Variants in USH2A observed in about 807,000 individuals in gnomAD.
The protein encoded by USH2A is Usher syndrome 2A (autosomal recessive, mild).
In USH2A, 443 loss-of-function variants were observed where a neutral mutation model predicts 538.9. That is an observed-to-expected ratio of 0.82 (90% CI 0.76 to 0.89). USH2A has a LOEUF of 0.89. USH2A is among the 40% of genes least tolerant of loss of function. The pLI, the probability that USH2A is intolerant of heterozygous loss-of-function variation, is 0.00. For synonymous variants in USH2A, 2,413 were observed against 2,273.5 expected, an observed-to-expected ratio of 1.06 and a Z score of -1.75; for missense variants, 6,633 against 6,324.8, an observed-to-expected ratio of 1.05 and a Z score of -1.65.
intron 61 of USH2A, among the ~76,000 whole-genome samples, chr1:215,724,074 ATCTAT>A (rs1659739836): frequency 1.5e-4 from 1 of 6,640 alleles, no homozygotes; most frequent in Non-Finnish European, 5.8e-3. Flanking sequence ...AGAATGTGAT[ATCTAT>A]ATCTATATCT....
chr1:216,216,929 C>A (rs1452709020), intron 15 of USH2A, among the ~76,000 whole-genome samples: 1 of 151,868 alleles, frequency 6.6e-6, no homozygotes, highest in Non-Finnish European at 1.5e-5. Context: ...ATACTGCCCA[C>A]AAAATTTGGG....
At chr1:216,285,670 A>T (rs934005018) in intron 11 of USH2A, among the ~76,000 whole-genome samples, 3 of 152,198 alleles carry the variant, frequency 2.0e-5, no homozygotes, top group Non-Finnish European at 4.4e-5. Flanking sequence ...TGGAAAAGCC[A>T]CAGACACTCA....
chr1:216,023,387 T>G (rs1236189270), intron 32 of USH2A, among the ~76,000 whole-genome samples: 1 of 147,824 alleles, frequency 6.8e-6, no homozygotes, highest in African/African-American at 2.5e-5. Context: ...GATTTGGGTC[T>G]CTTTCTCCCT....
intron 21 of USH2A, among the ~76,000 whole-genome samples, chr1:216,120,477 T>A (rs1370096719): frequency 6.6e-6 from 1 of 151,412 alleles, no homozygotes; most frequent in East Asian, 2.0e-4. Flanking sequence ...CCTCCCGGGT[T>A]CACGCCATTC....
chr1:215,635,122 G>C (rs75505467), intron 69 of USH2A, among the ~76,000 whole-genome samples: 1 of 152,300 alleles, frequency 6.6e-6, no homozygotes, highest in East Asian at 1.9e-4. Context: ...TTGCTGCAGA[G>C]TCACAAACAA....
In USH2A at chr1:215,996,381, A is replaced by G. The variant is rs1305084919; in HGVS notation, c.6657+2506T>C. ...CTTTCAGGAATATATAATACTTAGA[A>G]TTCATCAAGTTACAAATGGCTAGCA... On this transcript the variant is annotated intron_variant, in intron 34 of 71. Coordinates refer to ENST00000307340, the MANE Select transcript of USH2A (RefSeq NM_206933.4). 2.0e-5 allele frequency among the ~76,000 whole-genome samples: 3 copies of G among 152,164 alleles called. No individual in the cohort carries two copies. In the East Asian group the frequency reaches 5.8e-4, roughly 29 times the overall value.
At chr1:215,631,249 G>GTGT (rs1558030008) in intron 70 of USH2A, among the ~76,000 whole-genome samples, 25 of 144,686 alleles carry the variant, frequency 1.7e-4, no homozygotes, top group African/African-American at 6.2e-4. Context: ...TGTGTGTGTG[G>GTGT]GTGGGTGTTG....
chr1:216,058,441 G>C (rs1433904223), intron 30 of USH2A, among the ~76,000 whole-genome samples: 1 of 148,738 alleles, frequency 6.7e-6, no homozygotes, highest in Non-Finnish European at 1.5e-5. Flanking sequence ...CATGGAACGT[G>C]GTAGATCACT....
At chr1:215,861,270 T>C (rs1188793695) in intron 44 of USH2A, among the ~76,000 whole-genome samples, 1 of 152,230 alleles carries the variant, frequency 6.6e-6, no homozygotes, top group Non-Finnish European at 1.5e-5. Flanking sequence ...GGAGATAGTA[T>C]AATAGATATA....
In USH2A at chr1:216,072,909, C is replaced by T. The variant is rs193921072; in HGVS notation, c.5837G>A (p.Arg1946Gln). 2.4e-5 allele frequency: 38 copies of T among 1,613,700 alleles called. No individual in the cohort carries two copies. Among genetic ancestry groups the T allele is most frequent in the East Asian group, 6.7e-5 (3 of 44,888 alleles). Reference sequence around the variant, plus strand: ...TTTACCTGCTCCTGTTGTACGTCCTCGACTCCAATCACTATATACTGAACC... The same window carrying T: ...TTTACCTGCTCCTGTTGTACGTCCTTGACTCCAATCACTATATACTGAACC... ...EGGSVYSDWS[R>Q]GRTTGAAPQS... Residue 1946 changes from arginine to glutamine, a missense_variant, in exon 29 of 72, where the codon CGA (arginine) becomes CAA (glutamine). Coordinates refer to ENST00000307340, the MANE Select transcript of USH2A (RefSeq NM_206933.4).
chr1:216,375,738 G>T (rs1326629557), intron 3 of USH2A, among the ~76,000 whole-genome samples: 3 of 152,086 alleles, frequency 2.0e-5, no homozygotes, highest in Non-Finnish European at 4.4e-5. Context: ...CTTTCAACCT[G>T]TCAACTTTCT....
chr1:216,015,421 A>G (rs1668684523), intron 32 of USH2A, among the ~76,000 whole-genome samples: 1 of 152,212 alleles, frequency 6.6e-6, no homozygotes, highest in Non-Finnish European at 1.5e-5. Context: ...TATAATTAAT[A>G]AAAACAGGGG....
chr1:216,296,719 C>T (rs11120754), intron 9 of USH2A, among the ~76,000 whole-genome samples: 87,668 of 151,802 alleles, frequency 0.58, 27,355 homozygotes, highest in East Asian at 0.75. Flanking sequence ...ATGAAACTCA[C>T]TTCATAAAAG....
rs1214462057 is a variant in USH2A, at chr1:215,888,447, C to T, written c.8202G>A (p.Val2734=). The change falls in exon 41 of 72, where the codon GTG becomes GTA. Residue 2734 remains valine (V), a synonymous_variant. Coordinates refer to ENST00000307340, the MANE Select transcript of USH2A (RefSeq NM_206933.4). ...PAGVQPPVVT[V]LEPDAVQVTW... Reference sequence around the variant, plus strand: ...TTACCTGGACTGCATCGGGTTCCAGCACTGTCACCACAGGTGGCTGCACCC... The same window carrying T: ...TTACCTGGACTGCATCGGGTTCCAGTACTGTCACCACAGGTGGCTGCACCC... 2 of 1,613,448 alleles carry T rather than the reference C, an allele frequency of 1.2e-6. No homozygotes were observed. The highest frequency in any genetic ancestry group is 1.7e-6 in the Non-Finnish European group (2 of 1,180,016).
chr1:216,250,100 A>G (rs1241128356), intron 12 of USH2A, among the ~76,000 whole-genome samples: 1 of 152,182 alleles, frequency 6.6e-6, no homozygotes, highest in Middle Eastern at 3.2e-3. Context: ...ATTCTCATAT[A>G]TCAAAATTTC....
intron 3 of USH2A, among the ~76,000 whole-genome samples, chr1:216,392,011 C>T (rs577660951): frequency 1.2e-4 from 18 of 152,222 alleles, no homozygotes; most frequent in African/African-American, 3.9e-4. Flanking sequence ...TTCAGTGATA[C>T]ATGTAAATAA....
rs540865110 is a variant in USH2A at position 216,045,192 on chromosome 1, G to A, written c.6325+1239C>T. ...TTTATGAAGAAGTTAATATCTCTAG[G>A]CCTTGGTTTTTTCATCAGTCAACAT... On this transcript the variant is annotated intron_variant, in intron 32 of 71. Transcript: ENST00000307340. Among the ~76,000 whole-genome samples, 284 of 152,100 alleles carry A rather than the reference G, an allele frequency of 1.9e-3. 2 individuals are homozygous for A. Among genetic ancestry groups the A allele is most frequent in the African/African-American group, 6.6e-3 (275 of 41,506 alleles).
intron 61 of USH2A, among the ~76,000 whole-genome samples, chr1:215,682,493 A>G (rs927424556): frequency 2.0e-5 from 3 of 152,156 alleles, no homozygotes; most frequent in Non-Finnish European, 4.4e-5. Context: ...CAGTCATCCA[A>G]CACACTCCAG....
rs182677666 is a variant in USH2A at position 215,950,853 on chromosome 1, C to T, written c.7120+14464G>A. 3.9e-5 allele frequency among the ~76,000 whole-genome samples: 6 copies of T among 152,226 alleles called. No individual in the cohort carries two copies. The South Asian group carries it at 6.2e-4, about 16-fold the overall frequency. ...AAACTGTCTCTGAAGAAAAAAGACA[C>T]TCCAATCTAAGCCTTTAGCTACTAA... On this transcript the variant is annotated intron_variant, in intron 37 of 71. Transcript: ENST00000307340.
Sources: gnomAD v4.1 joint callset for allele counts (sites outside exome capture counted in the v4.1 genomes callset) on GRCh38, gnomAD v4.1.1 for gene constraint, MANE v1.5 for transcripts, NCBI Gene and HGNC (gene_info 2026-07-23, HGNC 2026-07-21) for gene names.